Variants in DNM3 observed in about 807,000 individuals in gnomAD.
DNM3 encodes the protein dynamin-3.
A neutral mutation model predicts 101.6 loss-of-function variants in DNM3; 47 were observed. The ratio of observed to expected loss-of-function variants is 0.46; its 90% CI spans 0.37 to 0.59. The LOEUF (loss-of-function observed/expected upper bound fraction) is 0.59. Among genes scored for constraint, DNM3 ranks in the 20% least tolerant of loss-of-function variants. The probability of loss-of-function intolerance (pLI) is 0.00; values close to 1 mark genes in which losing one functional copy is unlikely to be tolerated. For synonymous variants in DNM3, 385 were observed against 387.9 expected (o/e 0.99, Z 0.09); for missense variants, 849 against 1,085.7 (o/e 0.78, Z 3.06).
chr1:171,948,053 G>A (rs867246864), intron 2 of DNM3, among the ~76,000 whole-genome samples: 5 of 152,100 alleles, frequency 3.3e-5, no homozygotes, highest in Non-Finnish European at 5.9e-5. Flanking sequence ...TTCTACCCAG[G>A]GTTAGCACCT....
chr1:171,863,520 G>A (rs991843780), intron 1 of DNM3, among the ~76,000 whole-genome samples: 6 of 152,128 alleles, frequency 3.9e-5, no homozygotes, highest in Non-Finnish European at 8.8e-5. Flanking sequence ...CTTTTCATAA[G>A]CCAATAACAG....
intron 14 of DNM3, among the ~76,000 whole-genome samples, chr1:172,222,020 T>A (rs904852089): frequency 6.6e-6 from 1 of 152,066 alleles, no homozygotes; most frequent in African/African-American, 2.4e-5. Context: ...TCATTGCGAG[T>A]ATATTATTTC....
chr1:172,164,679 A>G (rs2058684243), intron 14 of DNM3, among the ~76,000 whole-genome samples: 1 of 151,998 alleles, frequency 6.6e-6, no homozygotes, highest in African/African-American at 2.4e-5. Flanking sequence ...CAAGCACATG[A>G]CGGTGTAAAC....
intron 1 of DNM3, among the ~76,000 whole-genome samples, chr1:171,910,665 A>G (rs2039218751): frequency 6.6e-6 from 1 of 152,226 alleles, no homozygotes; most frequent in Admixed American, 6.5e-5. Context: ...AATGAATTCC[A>G]GAATAACTTA....
intron 14 of DNM3, among the ~76,000 whole-genome samples, chr1:172,166,497 A>G (rs1266124992): frequency 6.6e-6 from 1 of 152,084 alleles, no homozygotes; most frequent in Non-Finnish European, 1.5e-5. Flanking sequence ...CCAGGAACAA[A>G]TGTGCACTGC....
chr1:172,117,955 C>A (rs1044004184), intron 13 of DNM3, among the ~76,000 whole-genome samples: 2 of 152,100 alleles, frequency 1.3e-5, no homozygotes, highest in Non-Finnish European at 2.9e-5. Context: ...AGCCACTCCT[C>A]GGGACCTCAA....
At chr1:172,287,606 A>G (rs2063747445) in intron 15 of DNM3, among the ~76,000 whole-genome samples, 1 of 152,090 alleles carries the variant, frequency 6.6e-6, no homozygotes, top group South Asian at 2.1e-4. Flanking sequence ...TATCAAGAGA[A>G]GGAAATAACA....
At chr1:172,062,108 A>G (rs563932231) in intron 10 of DNM3, among the ~76,000 whole-genome samples, 1 of 152,136 alleles carries the variant, frequency 6.6e-6, no homozygotes, top group Admixed American at 6.5e-5. Context: ...AGGATTTGCA[A>G]TCTTTATAAT....
intron 15 of DNM3, among the ~76,000 whole-genome samples, chr1:172,264,658 TG>T (rs1196845616): frequency 6.6e-6 from 1 of 152,222 alleles, no homozygotes; most frequent in Non-Finnish European, 1.5e-5. Flanking sequence ...TGAGATGCAT[TG>T]ACTTGGAGCT....
At chr1:172,007,269 T>C (rs2046759814) in intron 4 of DNM3, among the ~76,000 whole-genome samples, 1 of 152,096 alleles carries the variant, frequency 6.6e-6, no homozygotes, top group Non-Finnish European at 1.5e-5. Context: ...GCAATATGAG[T>C]GTTTAATTGC....
intron 4 of DNM3, among the ~76,000 whole-genome samples, chr1:172,010,480 C>CTT (rs60970944): frequency 6.9e-6 from 1 of 143,976 alleles, no homozygotes; most frequent in Middle Eastern, 3.2e-3. Context: ...AGGTGATAAT[C>CTT]TTTTTTTTTT....
rs546808738 is a variant in DNM3, at chr1:172,001,207, C to T, written c.589+12059C>T. ...GATTAGTGGGGAGATAGCTTTTGATCGTATTGAGTTTATTTATGATGGCTG... is the reference window on the plus strand; with the variant it reads ...GATTAGTGGGGAGATAGCTTTTGATTGTATTGAGTTTATTTATGATGGCTG... On this transcript the variant is annotated intron_variant, in intron 4 of 20. Coordinates refer to ENST00000627582, the MANE Select transcript of DNM3 (RefSeq NM_015569.5). 5.9e-5 allele frequency among the ~76,000 whole-genome samples: 9 copies of T among 152,058 alleles called. 1 individual carries two copies. The highest frequency in any genetic ancestry group is 1.9e-4 in the African/African-American group (8 of 41,522).
At chr1:172,331,090 G>A (rs1187302578) in intron 17 of DNM3, among the ~76,000 whole-genome samples, 1 of 152,130 alleles carries the variant, frequency 6.6e-6, no homozygotes, top group Admixed American at 6.5e-5. Context: ...ATTGCCTATT[G>A]CTTTCAATAG....
chr1:172,322,576 A>G (rs1394975782), intron 16 of DNM3, among the ~76,000 whole-genome samples: 1 of 152,130 alleles, frequency 6.6e-6, no homozygotes, highest in Non-Finnish European at 1.5e-5. Flanking sequence ...CTGTGTCTTT[A>G]CCCAGAGTGT....
intron 10 of DNM3, among the ~76,000 whole-genome samples, chr1:172,052,391 T>C (rs757168358): frequency 6.6e-6 from 1 of 152,216 alleles, no homozygotes; most frequent in Non-Finnish European, 1.5e-5. Context: ...AATATATCTA[T>C]GTCTGTCCTA....
At chr1:172,219,266 G>A (rs1342898997) in intron 14 of DNM3, among the ~76,000 whole-genome samples, 3 of 151,108 alleles carry the variant, frequency 2.0e-5, no homozygotes, top group African/African-American at 7.3e-5. Flanking sequence ...GGAAGCTGAT[G>A]TGAGAAGATC....
intron 13 of DNM3, among the ~76,000 whole-genome samples, chr1:172,100,675 A>G (rs990791189): frequency 6.6e-6 from 1 of 152,198 alleles, no homozygotes; most frequent in Non-Finnish European, 1.5e-5. Flanking sequence ...GAAAACTCAA[A>G]TGACCCTGGA....
Position 172,411,704 on chromosome 1 carries a change from G to T in DNM3, c.*3863G>T, listed in dbSNP as rs1405283275. 12 of 985,220 alleles carry T rather than the reference G, an allele frequency of 1.2e-5. No individual in the cohort carries two copies. Among genetic ancestry groups the T allele is most frequent in the Non-Finnish European group, 1.4e-5 (12 of 829,790 alleles). 61.0% of individuals were successfully genotyped at this position (985,220 alleles called of 1,614,324 possible). On this transcript the variant is annotated 3_prime_UTR_variant, in exon 21 of 21. Coordinates refer to ENST00000627582, the MANE Select transcript of DNM3 (RefSeq NM_015569.5). ...ATGGCATAATTATTTGAAAGTGACA[G>T]GAATCTCCTCAGAATGAAGAATAAA...
At chr1:172,407,703 G>A in intron 20 of DNM3, 69 bp from the exon 21 acceptor site, 2 of 1,527,112 alleles carry the variant, frequency 1.3e-6, no homozygotes, top group Non-Finnish European at 1.8e-6. Flanking sequence ...CTCTTTCTCA[G>A]TGTCCTTGGA....
Sources: gnomAD v4.1 joint callset for allele counts (sites outside exome capture counted in the v4.1 genomes callset) on GRCh38, gnomAD v4.1.1 for gene constraint, MANE v1.5 for transcripts, NCBI Gene and HGNC (gene_info 2026-07-23, HGNC 2026-07-21) for gene names.